Variants in ECHS1 observed in about 807,000 individuals in gnomAD.
The protein encoded by ECHS1 is enoyl-CoA hydratase, short chain 1, also known as enoyl-CoA hydratase, mitochondrial.
A neutral mutation model predicts 33.5 loss-of-function variants in ECHS1; 19 were observed. That is an observed-to-expected ratio of 0.57 (90% CI 0.40 to 0.83). The LOEUF is 0.83. ECHS1 is among the 40% of genes least tolerant of loss of function. ECHS1 has a pLI of 0.00. For synonymous variants in ECHS1, 158 were observed against 146.6 expected (o/e 1.08, Z -0.56); for missense variants, 365 against 381.3 (o/e 0.96, Z 0.36).
rs560296011 is a variant in ECHS1, at chr10:133,363,005, C to T, written c.808-72G>A. On this transcript the variant is annotated intron_variant, in intron 7 of 7. Coordinates refer to ENST00000368547, the MANE Select transcript of ECHS1 (RefSeq NM_004092.4). ...ACAGAGCCTGATGCCAATGTCCGCCCGTCTCTCCCTGGCTCTGCCTCACTC... is the reference window on the plus strand; with the variant it reads ...ACAGAGCCTGATGCCAATGTCCGCCTGTCTCTCCCTGGCTCTGCCTCACTC... 102 of 1,559,026 alleles carry T rather than the reference C, an allele frequency of 6.5e-5. 1 individual carries two copies. In the South Asian group the frequency reaches 6.8e-4, roughly 10 times the overall value.
At chr10:133,365,951 A>G in intron 6 of ECHS1, 25 bp downstream of exon 6, 1 of 1,612,882 alleles carries the variant, frequency 6.2e-7, no homozygotes, top group Non-Finnish European at 8.5e-7. Flanking sequence ...AGACCTCTCC[A>G]GTGTCTTCCT....
At chr10:133,372,212 G>C (rs1849117796) in intron 1 of ECHS1, among the ~76,000 whole-genome samples, 1 of 152,244 alleles carries the variant, frequency 6.6e-6, no homozygotes, top group Non-Finnish European at 1.5e-5. Context: ...AGGCCAAGGA[G>C]AGCATGGAGA....
chr10:133,364,543 C>A (rs961686185), intron 7 of ECHS1, 115 bp downstream of exon 7: 10 of 800,550 alleles, frequency 1.2e-5, no homozygotes, highest in Non-Finnish European at 2.1e-5. Flanking sequence ...AAAGGTGAGG[C>A]TGGCAGTTCT....
chr10:133,370,861 G>A, intron 1 of ECHS1, 104 bp from the exon 2 acceptor site: 2 of 1,156,456 alleles, frequency 1.7e-6, no homozygotes, highest in Non-Finnish European at 2.4e-6. Flanking sequence ...GTGACCCCAA[G>A]AGGCCCTCTG....
intron 3 of ECHS1, 98 bp downstream of exon 3, chr10:133,369,806 A>C: frequency 2.7e-6 from 4 of 1,468,652 alleles, no homozygotes; most frequent in South Asian, 1.4e-5. Context: ...TGGCCTGGGA[A>C]CTAAAGGCCT....
chr10:133,365,585 C>A (rs541690207), intron 6 of ECHS1, among the ~76,000 whole-genome samples: 2 of 152,230 alleles, frequency 1.3e-5, no homozygotes, highest in African/African-American at 4.8e-5. Flanking sequence ...TGCAAGCCTG[C>A]GTAGCCACCT....
rs139886808 is a variant in ECHS1 at position 133,371,875 on chromosome 10, C to T, written c.89-1118G>A. On this transcript the variant is annotated intron_variant, in intron 1 of 7. Coordinates refer to ENST00000368547, the MANE Select transcript of ECHS1 (RefSeq NM_004092.4). Reference sequence around the variant, plus strand: ...GCAGTGGCGCAATCTTGGCTCACTGCGACCTCTGCCTACAGGGTTCAGGTG... The same window carrying T: ...GCAGTGGCGCAATCTTGGCTCACTGTGACCTCTGCCTACAGGGTTCAGGTG... Among the ~76,000 whole-genome samples the T allele has an allele frequency of 3.5e-3, 536 of 152,230 alleles. 5 individuals are homozygous for T. The highest frequency in any genetic ancestry group is 5.0e-3 in the Non-Finnish European group (341 of 68,012).
At chr10:133,368,072 G>A (rs1408502831) in intron 4 of ECHS1, among the ~76,000 whole-genome samples, 1 of 152,090 alleles carries the variant, frequency 6.6e-6, no homozygotes, top group Non-Finnish European at 1.5e-5. Context: ...TTATCTCTTT[G>A]TCTTGTGTCT....
intron 7 of ECHS1, among the ~76,000 whole-genome samples, chr10:133,364,105 C>T (rs1035221518): frequency 3.3e-5 from 5 of 151,954 alleles, no homozygotes; most frequent in Non-Finnish European, 2.9e-5. Context: ...CCACCACGCC[C>T]GGCTAATTTT....
intron 4 of ECHS1, among the ~76,000 whole-genome samples, chr10:133,367,331 A>C (rs531296334): frequency 2.6e-5 from 4 of 152,226 alleles, no homozygotes; most frequent in African/African-American, 9.6e-5. Flanking sequence ...GACATTATCA[A>C]TCATTAGTAT....
chr10:133,367,004 G>A lies in ECHS1; in HGVS notation c.515-11C>T, dbSNP rs776584384. 13 of 1,605,390 alleles carry A rather than the reference G, an allele frequency of 8.1e-6. No homozygotes were observed. The highest frequency in any genetic ancestry group is 1.1e-5 in the Non-Finnish European group (13 of 1,176,654). On this transcript the variant is annotated splice_polypyrimidine_tract_variant and intron_variant, in intron 4 of 7. Transcript: ENST00000368547. Reference sequence around the variant, plus strand: ...GGGTGCCGCCCGCACCTGCAGGGAGGGGCTGGTCATGGCTGGCACTGTGAT... The same window carrying A: ...GGGTGCCGCCCGCACCTGCAGGGAGAGGCTGGTCATGGCTGGCACTGTGAT...
rs754815893 is a variant in ECHS1, at chr10:133,369,903, C to T, written c.414+1G>A. 18 of 1,613,238 alleles carry T rather than the reference C, an allele frequency of 1.1e-5. No homozygotes were observed. Among genetic ancestry groups the T allele is most frequent in the East Asian group, 4.5e-5 (2 of 44,888 alleles). ...AGGAGACTCTTGGCAGCAACACTCA[C>T]GGCATAGCCATTGACAGCAGCGATG... is the stretch of plus-strand genomic sequence containing the variant. On this transcript the variant is annotated splice_donor_variant, in intron 3 of 7. Transcript: ENST00000368547. LOFTEE classifies it high-confidence loss of function.
intron 5 of ECHS1, 79 bp downstream of exon 5, chr10:133,366,810 C>T (rs1172510279): frequency 8.5e-7 from 1 of 1,170,212 alleles, no homozygotes; most frequent in African/African-American, 1.6e-5. Context: ...GAGGGGGACA[C>T]CTGGATGCCG....
intron 7 of ECHS1, among the ~76,000 whole-genome samples, chr10:133,363,270 CTG>C (rs1414918480): frequency 6.6e-6 from 1 of 152,212 alleles, no homozygotes; most frequent in Non-Finnish European, 1.5e-5. Context: ...AGGGGCTACT[CTG>C]TGTTGGAGTA....
At chr10:133,363,353 GCGCACACA>G (rs765484738) in intron 7 of ECHS1, among the ~76,000 whole-genome samples, 5 of 130,410 alleles carry the variant, frequency 3.8e-5, no homozygotes, top group South Asian at 2.2e-4. Context: ...GTGTGCGCGC[GCGCACACA>G]CACACACACA....
chr10:133,373,094 G>C, intron 1 of ECHS1, 152 bp downstream of exon 1: 1 of 526,264 alleles, frequency 1.9e-6, no homozygotes, highest in Non-Finnish European at 3.0e-6. Flanking sequence ...GGTCAGGTGA[G>C]GGTGCGGGGT....
intron 4 of ECHS1, among the ~76,000 whole-genome samples, chr10:133,368,375 C>A (rs1337494273): frequency 1.6e-5 from 2 of 122,220 alleles, no homozygotes; most frequent in East Asian, 2.6e-4. Context: ...GCGAAGGGCA[C>A]CCTGAGTGCA....
At chr10:133,363,354 C>T (rs1419780650) in intron 7 of ECHS1, among the ~76,000 whole-genome samples, 29 of 129,546 alleles carry the variant, frequency 2.2e-4, no homozygotes, top group African/African-American at 6.4e-4. Flanking sequence ...TGTGCGCGCG[C>T]GCACACACAC....
At chr10:133,363,769 G>A (rs1348059238) in intron 7 of ECHS1, among the ~76,000 whole-genome samples, 2 of 152,154 alleles carry the variant, frequency 1.3e-5, no homozygotes, top group Non-Finnish European at 2.9e-5. Flanking sequence ...GGACGACCGA[G>A]CAAGACTCTG....
Sources: allele counts gnomAD v4.1 joint callset (sites outside exome capture counted in the v4.1 genomes callset), GRCh38; gene constraint gnomAD v4.1.1; transcripts MANE v1.5; gene names NCBI Gene and HGNC (gene_info 2026-07-23, HGNC 2026-07-21).